CD1B: variants seen among roughly 807,000 people sequenced by gnomAD.
CD1B encodes the protein CD1b molecule, also known as T-cell surface glycoprotein CD1b.
CD1B carries 43 observed loss-of-function variants against 39.8 expected under a neutral mutation model. The ratio of observed to expected loss-of-function variants is 1.08; its 90% CI spans 0.85 to 1.39. The LOEUF (loss-of-function observed/expected upper bound fraction) is 1.39. Among genes scored for constraint, CD1B ranks in the 40% most tolerant of loss-of-function variants. The pLI is 0.00. For missense variants in CD1B, 495 were observed against 403.8 expected (o/e 1.23, Z -1.94); for synonymous variants, 192 against 152.5 (o/e 1.26, Z -1.91).
chr1:158,319,237 T>C, the CD1B span, among the ~76,000 whole-genome samples: 3 of 151,832 alleles, frequency 2.0e-5, no homozygotes, highest in Non-Finnish European at 4.4e-5. Flanking sequence ...GAAGTTCTCC[T>C]GGATAATATC....
the CD1B span, among the ~76,000 whole-genome samples, chr1:158,294,856 T>C: frequency 5.3e-5 from 8 of 152,232 alleles, no homozygotes; most frequent in African/African-American, 1.7e-4. Context: ...TTCCTTTTCA[T>C]TGCTGAATAG....
chr1:158,299,069 G>A, the CD1B span, among the ~76,000 whole-genome samples: 2 of 152,262 alleles, frequency 1.3e-5, no homozygotes, highest in African/African-American at 2.4e-5. Flanking sequence ...GGAGTGGTGA[G>A]AGAGGGCATC....
Position 158,329,436 on chromosome 1 carries a change from C to T in CD1B, c.820G>A (p.Ala274Thr), listed in dbSNP as rs1257630833. The change falls in exon 4 of 6, where the codon GCG (alanine) becomes ACG (threonine). Residue 274 changes from alanine (A) to threonine (T), a missense_variant. Transcript: ENST00000368168. The part of the protein sequence containing the change: ...RATLDVADGE[A>T]AGLSCRVKHS... Reference sequence around the variant, plus strand: ...TTCACCCGACAGGACAGGCCAGCCGCCTCCCCATCTGCCACATCCAGGGTT... The same window carrying T: ...TTCACCCGACAGGACAGGCCAGCCGTCTCCCCATCTGCCACATCCAGGGTT... 5.0e-6 allele frequency: 8 copies of T among 1,614,196 alleles called. No individual in the cohort carries two copies. Among genetic ancestry groups the T allele is most frequent in the Non-Finnish European group, 6.8e-6 (8 of 1,180,036 alleles).
chr1:158,315,486 C>T, the CD1B span, among the ~76,000 whole-genome samples: 2 of 151,740 alleles, frequency 1.3e-5, no homozygotes, highest in Admixed American at 1.3e-4. Flanking sequence ...TGTCCTTTGC[C>T]CACTTTTTGA....
At chr1:158,320,169 G>T in the CD1B span, among the ~76,000 whole-genome samples, 50 of 152,226 alleles carry the variant, frequency 3.3e-4, no homozygotes, top group African/African-American at 1.2e-3. Context: ...GCCTCCTTGA[G>T]CTGTGGTGGG....
chr1:158,307,277 C>T, the CD1B span, among the ~76,000 whole-genome samples: 6 of 152,086 alleles, frequency 3.9e-5, no homozygotes, highest in African/African-American at 9.7e-5. Flanking sequence ...GAAATACAGA[C>T]TACCATCAGA....
At chr1:158,292,307 T>C in the CD1B span, 1 of 1,614,206 alleles carries the variant, frequency 6.2e-7, no homozygotes, top group Non-Finnish European at 8.5e-7. Context: ...TAAGAAGCAC[T>C]TGCCCCCGAT....
the CD1B span, among the ~76,000 whole-genome samples, chr1:158,304,208 A>G: frequency 2.8e-4 from 43 of 152,312 alleles, no homozygotes; most frequent in African/African-American, 9.4e-4. Flanking sequence ...AAGGGGTGAC[A>G]GATAGCACCA....
the CD1B span, among the ~76,000 whole-genome samples, chr1:158,317,654 C>A: frequency 2.0e-5 from 3 of 152,068 alleles, no homozygotes; most frequent in Non-Finnish European, 4.4e-5. Context: ...TTTTGTGTCT[C>A]TATTTCCTTC....
chr1:158,285,776 A>C, the CD1B span, among the ~76,000 whole-genome samples: 1 of 152,112 alleles, frequency 6.6e-6, no homozygotes, highest in African/African-American at 2.4e-5. Flanking sequence ...TGGCTGTTGC[A>C]GAGGGCAGAG....
At chr1:158,290,199 A>G in the CD1B span, 4 of 1,318,640 alleles carry the variant, frequency 3.0e-6, no homozygotes, top group East Asian at 9.3e-5. Context: ...GAGATGGATC[A>G]ATAGAGATGC....
At chr1:158,329,038 G>T in intron 4 of CD1B, 24 bp from the exon 5 acceptor site, 1 of 1,570,230 alleles carries the variant, frequency 6.4e-7, no homozygotes, top group Non-Finnish European at 8.7e-7. Flanking sequence ...GAGGACAAAA[G>T]GATGTCACTT....
chr1:158,315,719 T>G, the CD1B span, among the ~76,000 whole-genome samples: 4 of 152,080 alleles, frequency 2.6e-5, no homozygotes, highest in Non-Finnish European at 5.9e-5. Flanking sequence ...GTTTTAGACA[T>G]GAAGTCCTTG....
chr1:158,302,317 A>T, the CD1B span, among the ~76,000 whole-genome samples: 1 of 152,182 alleles, frequency 6.6e-6, no homozygotes, highest in Admixed American at 6.6e-5. Flanking sequence ...TTATAGCACT[A>T]AATGCCCACA....
the CD1B span, among the ~76,000 whole-genome samples, chr1:158,294,490 TTTTA>T: frequency 1.3e-5 from 2 of 152,222 alleles, no homozygotes; most frequent in Non-Finnish European, 2.9e-5. Context: ...GTTTTCATGT[TTTTA>T]TTTATTTCAA....
the CD1B span, among the ~76,000 whole-genome samples, chr1:158,301,187 T>C: frequency 6.6e-6 from 1 of 152,150 alleles, no homozygotes; most frequent in East Asian, 1.9e-4. Flanking sequence ...TGTGTGTCTC[T>C]GCACTTGAGA....
the CD1B span, among the ~76,000 whole-genome samples, chr1:158,287,376 A>G: frequency 1.3e-4 from 20 of 152,162 alleles, no homozygotes. Context: ...GTCTCTTCTT[A>G]TAAGGACACT....
chr1:158,291,158 A>G, the CD1B span: 1 of 1,610,342 alleles, frequency 6.2e-7, no homozygotes, highest in Admixed American at 1.7e-5. Flanking sequence ...GTCTCCTTCC[A>G]TGTCATCCAG....
chr1:158,298,832 G>A, the CD1B span, among the ~76,000 whole-genome samples: 3 of 152,130 alleles, frequency 2.0e-5, no homozygotes, highest in African/African-American at 7.2e-5. Flanking sequence ...TTATTGGTGT[G>A]TAGGAAAGCT....
Sources: gnomAD v4.1 joint callset for allele counts (sites outside exome capture counted in the v4.1 genomes callset) on GRCh38, gnomAD v4.1.1 for gene constraint, MANE v1.5 for transcripts, NCBI Gene and HGNC (gene_info 2026-07-23, HGNC 2026-07-21) for gene names.